GNAQ: variants seen among roughly 807,000 people sequenced by gnomAD.
GNAQ encodes the protein G protein subunit alpha q, also known as guanine nucleotide-binding protein G(q) subunit alpha.
A neutral mutation model predicts 43.9 loss-of-function variants in GNAQ; 8 were observed. The observed-to-expected ratio is 0.18, with a 90% CI of 0.11 to 0.33. The LOEUF (loss-of-function observed/expected upper bound fraction) is 0.33. GNAQ is among the 10% of genes least tolerant of loss of function. The pLI is 1.00. For synonymous variants in GNAQ, 155 were observed against 170.7 expected, an observed-to-expected ratio of 0.91 and a Z score of 0.71; for missense variants, 158 against 450.8, an observed-to-expected ratio of 0.35 and a Z score of 5.88.
chr9:77,903,000 T>C (rs1008227946), intron 2 of GNAQ, among the ~76,000 whole-genome samples: 1 of 152,092 alleles, frequency 6.6e-6, no homozygotes, highest in African/African-American at 2.4e-5. Flanking sequence ...AATTTGTAGC[T>C]GTCATCAATC....
intron 2 of GNAQ, among the ~76,000 whole-genome samples, chr9:77,846,110 C>A (rs1054626148): frequency 6.6e-6 from 1 of 152,202 alleles, no homozygotes; most frequent in African/African-American, 2.4e-5. Flanking sequence ...AGTTCACAAA[C>A]GTGCTGTTTG....
intron 1 of GNAQ, among the ~76,000 whole-genome samples, chr9:77,963,399 C>T (rs963328589): frequency 6.6e-6 from 1 of 152,160 alleles, no homozygotes; most frequent in Non-Finnish European, 1.5e-5. Context: ...GCAAACTTTT[C>T]ACTCAGTGGG....
intron 1 of GNAQ, among the ~76,000 whole-genome samples, chr9:77,983,062 A>G (rs1188745901): frequency 6.6e-6 from 1 of 152,220 alleles, no homozygotes; most frequent in Non-Finnish European, 1.5e-5. Context: ...ATAATGTACC[A>G]ATGCTTGAAT....
rs1828034973 is a variant in GNAQ, at chr9:77,871,231, G to T, written c.321+50930C>A. Among the ~76,000 whole-genome samples, 4 of 152,182 alleles carry T rather than the reference G, an allele frequency of 2.6e-5. No individual in the cohort carries two copies. The South Asian group carries it at 8.3e-4, about 31-fold the overall frequency. ...AAAATCTAGTTGACAATTTTCTTAA[G>T]ATGTAGTCTATAGGACTATTTTCTT... On this transcript the variant is annotated intron_variant, in intron 2 of 6. Coordinates refer to ENST00000286548, the MANE Select transcript of GNAQ (RefSeq NM_002072.5).
intron 1 of GNAQ, chr9:78,030,706 C>T: frequency 8.1e-6 from 3 of 372,374 alleles, no homozygotes; most frequent in Non-Finnish European, 1.1e-5. Flanking sequence ...TGGGGTGCCG[C>T]GGCCACGACA....
At chr9:77,785,066 T>C (rs1389657971) in intron 5 of GNAQ, among the ~76,000 whole-genome samples, 10 of 152,216 alleles carry the variant, frequency 6.6e-5, no homozygotes, top group Non-Finnish European at 1.5e-5. Context: ...GGTATGTCTA[T>C]GCCCTAACCC....
chr9:77,984,182 T>G (rs1823404988), intron 1 of GNAQ, among the ~76,000 whole-genome samples: 1 of 151,130 alleles, frequency 6.6e-6, no homozygotes, highest in Admixed American at 6.6e-5. Context: ...TTTTCTTTTT[T>G]TTTTTTTGAG....
intron 2 of GNAQ, among the ~76,000 whole-genome samples, chr9:77,880,018 T>G (rs948345419): frequency 1.3e-5 from 2 of 152,146 alleles, no homozygotes; most frequent in Non-Finnish European, 2.9e-5. Flanking sequence ...AGCACGTTAG[T>G]GAGTAGAAAA....
chr9:77,873,283 C>T (rs796477720), intron 2 of GNAQ, among the ~76,000 whole-genome samples: 18 of 152,282 alleles, frequency 1.2e-4, no homozygotes, highest in Admixed American at 2.6e-4. Flanking sequence ...AAAAAGGAAA[C>T]GAACCTCATT....
intron 1 of GNAQ, among the ~76,000 whole-genome samples, chr9:78,011,203 G>A (rs1823768745): frequency 6.6e-6 from 1 of 152,162 alleles, no homozygotes; most frequent in South Asian, 2.1e-4. Flanking sequence ...CTGCCAGAGA[G>A]CACTCCCTAC....
At chr9:77,904,191 T>A (rs1005048786) in intron 2 of GNAQ, among the ~76,000 whole-genome samples, 1 of 152,162 alleles carries the variant, frequency 6.6e-6, no homozygotes, top group African/African-American at 2.4e-5. Context: ...AAGCTTGCTC[T>A]CTTGTACCAC....
At chr9:78,002,300 G>T (rs1823653774) in intron 1 of GNAQ, among the ~76,000 whole-genome samples, 1 of 152,164 alleles carries the variant, frequency 6.6e-6, no homozygotes, top group South Asian at 2.1e-4. Flanking sequence ...AGATTGAAAG[G>T]AGTCAAAGTC....
intron 1 of GNAQ, chr9:78,030,568 TCCTGA>T: frequency 2.1e-6 from 1 of 470,158 alleles, no homozygotes; most frequent in Non-Finnish European, 4.4e-6. Flanking sequence ...CCCCATTCCC[TCCTGA>T]CCCCATAGGG....
At chr9:77,776,313 G>T (rs1263683459) in intron 5 of GNAQ, among the ~76,000 whole-genome samples, 1 of 152,088 alleles carries the variant, frequency 6.6e-6, no homozygotes, top group Non-Finnish European at 1.5e-5. Flanking sequence ...ATTAGAAAAT[G>T]ACCAAACTAC....
intron 2 of GNAQ, among the ~76,000 whole-genome samples, chr9:77,845,110 CTG>C (rs1827562665): frequency 1.3e-5 from 2 of 152,062 alleles, no homozygotes; most frequent in East Asian, 1.9e-4. Flanking sequence ...CATTTCAATA[CTG>C]TAACTCGTTG....
intron 1 of GNAQ, among the ~76,000 whole-genome samples, chr9:77,983,074 C>A (rs535909029): frequency 6.6e-6 from 1 of 152,280 alleles, no homozygotes; most frequent in African/African-American, 2.4e-5. Flanking sequence ...TGCTTGAATT[C>A]ATCAATTATT....
intron 1 of GNAQ, among the ~76,000 whole-genome samples, chr9:77,944,542 C>A (rs1176865842): frequency 3.3e-5 from 5 of 152,064 alleles, no homozygotes; most frequent in Non-Finnish European, 7.4e-5. Flanking sequence ...CTGGTCAGGC[C>A]CAGTAGAAAA....
chr9:77,785,030 T>C (rs995044806), intron 5 of GNAQ, among the ~76,000 whole-genome samples: 12 of 152,334 alleles, frequency 7.9e-5, no homozygotes, highest in African/African-American at 9.6e-5. Flanking sequence ...GGCAGTGTCA[T>C]TGGGCTGAAT....
intron 2 of GNAQ, among the ~76,000 whole-genome samples, chr9:77,878,651 G>A (rs1828163794): frequency 6.6e-6 from 1 of 151,762 alleles, no homozygotes; most frequent in African/African-American, 2.4e-5. Flanking sequence ...AAAAAAAAAA[G>A]AGAAGAGGGT....
Sources: allele counts gnomAD v4.1 joint callset (sites outside exome capture counted in the v4.1 genomes callset), GRCh38; gene constraint gnomAD v4.1.1; transcripts MANE v1.5; gene names NCBI Gene and HGNC (gene_info 2026-07-23, HGNC 2026-07-21).